TMTC2: variants seen among roughly 807,000 people sequenced by gnomAD.
The protein encoded by TMTC2 is transmembrane O-mannosyltransferase targeting cadherins 2.
Under a neutral mutation model 82.4 loss-of-function variants are expected in TMTC2, and 43 were observed. That is an observed-to-expected ratio of 0.52 (90% CI 0.41 to 0.67). The LOEUF is 0.67. Ranked by LOEUF, TMTC2 falls within the 30% of genes least tolerant of loss-of-function variation. TMTC2 has a pLI of 0.00. For synonymous variants in TMTC2, 408 were observed against 381.9 expected (o/e 1.07, Z -0.80); for missense variants, 919 against 1,012.4 (o/e 0.91, Z 1.25).
intron 11 of TMTC2, among the ~76,000 whole-genome samples, chr12:83,103,058 G>C (rs959041352): frequency 6.6e-6 from 1 of 152,300 alleles, no homozygotes; most frequent in African/African-American, 2.4e-5. Flanking sequence ...CAAAGGCAAG[G>C]AAGAGGGGGT....
chr12:82,790,507 G>T (rs991847263), intron 1 of TMTC2, among the ~76,000 whole-genome samples: 8 of 152,030 alleles, frequency 5.3e-5, no homozygotes, highest in Middle Eastern at 3.2e-3. Context: ...GAAGTAAATT[G>T]CTGGACCAGA....
intron 7 of TMTC2, among the ~76,000 whole-genome samples, chr12:82,969,789 C>G (rs1878369983): frequency 6.6e-6 from 1 of 152,010 alleles, no homozygotes; most frequent in Non-Finnish European, 1.5e-5. Context: ...CTCATTTATC[C>G]TCTTCAATTT....
chr12:82,783,631 G>A (rs1230101351), intron 1 of TMTC2, among the ~76,000 whole-genome samples: 1 of 152,076 alleles, frequency 6.6e-6, no homozygotes, highest in African/African-American at 2.4e-5. Context: ...CCGGAAGCAT[G>A]GTTATGTGTT....
At chr12:82,806,174 A>G (rs1431672761) in intron 1 of TMTC2, among the ~76,000 whole-genome samples, 1 of 152,124 alleles carries the variant, frequency 6.6e-6, no homozygotes, top group Non-Finnish European at 1.5e-5. Flanking sequence ...GATGGCAGCA[A>G]TCTAAGTGGT....
chr12:83,124,122 C>G (rs1885036790), intron 11 of TMTC2, among the ~76,000 whole-genome samples: 1 of 152,164 alleles, frequency 6.6e-6, no homozygotes, highest in Non-Finnish European at 1.5e-5. Flanking sequence ...GAAGTTACAC[C>G]TAATAGGTTA....
intron 3 of TMTC2, among the ~76,000 whole-genome samples, chr12:82,929,468 A>G (rs1875906022): frequency 6.6e-6 from 1 of 152,114 alleles, no homozygotes; most frequent in African/African-American, 2.4e-5. Context: ...GGAGTTTTAA[A>G]TTTCTTAGAG....
intron 1 of TMTC2, among the ~76,000 whole-genome samples, chr12:82,790,989 C>T (rs979182258): frequency 2.6e-5 from 4 of 152,042 alleles, no homozygotes; most frequent in Admixed American, 2.6e-4. Context: ...GTTGAGTGAG[C>T]TCATCCATAT....
In TMTC2 at chr12:83,050,952, C is replaced by CA. The variant is rs750447474; in HGVS notation, c.2208dup (p.Ala737SerfsTer3). The CA allele has an allele frequency of 4.3e-6, 7 of 1,612,828 alleles. No homozygotes were observed. The highest frequency in any genetic ancestry group is 3.3e-5 in the South Asian group (3 of 90,970). On this transcript the variant is annotated frameshift_variant, in exon 10 of 12. Transcript: ENST00000321196. LOFTEE classifies it high-confidence loss of function. ...CGTCTCATAGAAGCAGCTGAGATGG[C>CA]AAAAAAAGCAGCTGAACTAGACAGC...
At chr12:82,790,891 T>A (rs770142804) in intron 1 of TMTC2, among the ~76,000 whole-genome samples, 4 of 151,840 alleles carry the variant, frequency 2.6e-5, no homozygotes, top group Non-Finnish European at 4.4e-5. Flanking sequence ...CCTCCCTGCC[T>A]CTTTCCCTTT....
chr12:82,921,560 C>T (rs1875396727), intron 3 of TMTC2, among the ~76,000 whole-genome samples: 1 of 152,132 alleles, frequency 6.6e-6, no homozygotes, highest in Non-Finnish European at 1.5e-5. Flanking sequence ...AATGCAGGCC[C>T]TTGAGATGGA....
At chr12:83,044,570 T>A (rs554527960) in intron 9 of TMTC2, among the ~76,000 whole-genome samples, 1 of 152,314 alleles carries the variant, frequency 6.6e-6, no homozygotes, top group Non-Finnish European at 1.5e-5. Context: ...TAGGAGGTTA[T>A]TGCTGTCATC....
intron 8 of TMTC2, among the ~76,000 whole-genome samples, chr12:83,023,564 G>T (rs1592700506): frequency 1.3e-5 from 2 of 152,226 alleles, no homozygotes; most frequent in African/African-American, 4.8e-5. Context: ...CTGGCCATCT[G>T]ATCTGAGCTG....
chr12:83,005,310 C>G (rs1412780805), intron 8 of TMTC2, among the ~76,000 whole-genome samples: 1 of 139,242 alleles, frequency 7.2e-6, no homozygotes, highest in African/African-American at 2.8e-5. Flanking sequence ...GCCTGGGAAA[C>G]GCAAGGAGAC....
chr12:82,877,737 T>C (rs1872649873), intron 2 of TMTC2, among the ~76,000 whole-genome samples: 1 of 152,212 alleles, frequency 6.6e-6, no homozygotes, highest in Non-Finnish European at 1.5e-5. Context: ...AAAATATATT[T>C]GAAATTATTT....
intron 11 of TMTC2, among the ~76,000 whole-genome samples, chr12:83,072,176 G>T (rs1173994885): frequency 6.6e-6 from 1 of 152,048 alleles, no homozygotes; most frequent in East Asian, 1.9e-4. Flanking sequence ...CGCTGCTTTT[G>T]CTGTATCCCT....
At chr12:83,127,016 T>C (rs2137569255) in intron 11 of TMTC2, among the ~76,000 whole-genome samples, 1 of 152,232 alleles carries the variant, frequency 6.6e-6, no homozygotes, top group Non-Finnish European at 1.5e-5. Context: ...GGGCAAGCAA[T>C]TTCAACTGAA....
In TMTC2 at chr12:83,036,668, C is replaced by CTGT. The variant is rs753240369; in HGVS notation, c.2152+5791_2152+5793dup. On this transcript the variant is annotated intron_variant, in intron 9 of 11. Transcript: ENST00000321196. ...CAACTTTTAAATCCGGAACTTTCTA[C>CTGT]TGTTATTATTATACTCTGTTTTTCT... Among the ~76,000 whole-genome samples, 25 of 152,226 alleles carry CTGT rather than the reference C, an allele frequency of 1.6e-4. 1 individual carries two copies. Among genetic ancestry groups the CTGT allele is most frequent in the Middle Eastern group, 6.8e-3 (2 of 294 alleles).
intron 1 of TMTC2, among the ~76,000 whole-genome samples, chr12:82,778,310 A>C (rs944260365): frequency 1.3e-5 from 2 of 152,162 alleles, no homozygotes; most frequent in Non-Finnish European, 2.9e-5. Flanking sequence ...AACATTTTAC[A>C]TCTGTCCCCC....
intron 8 of TMTC2, among the ~76,000 whole-genome samples, chr12:83,016,443 T>C (rs959589843): frequency 6.6e-6 from 1 of 152,180 alleles, no homozygotes; most frequent in Non-Finnish European, 1.5e-5. Context: ...TGTTTTCTCC[T>C]TATGTACTTA....
Sources: allele counts gnomAD v4.1 joint callset (sites outside exome capture counted in the v4.1 genomes callset), GRCh38; gene constraint gnomAD v4.1.1; transcripts MANE v1.5; gene names NCBI Gene and HGNC (gene_info 2026-07-23, HGNC 2026-07-21).